The following TRAPPC8 variants were observed in gnomAD, a reference collection of about 807,000 sequenced individuals.
TRAPPC8 encodes the protein trafficking protein particle complex subunit 8.
TRAPPC8 carries 54 observed loss-of-function variants against 174.3 expected under a neutral mutation model. The observed-to-expected ratio is 0.31, with a 90% confidence interval of 0.25 to 0.39. The LOEUF is 0.39. TRAPPC8 is among the 10% of genes least tolerant of loss of function. TRAPPC8 has a pLI of 1.00. For synonymous variants in TRAPPC8, 630 were observed against 579.9 expected, an observed-to-expected ratio of 1.09 and a Z score of -1.24; for missense variants, 1,531 against 1,699.1, an observed-to-expected ratio of 0.90 and a Z score of 1.74.
intron 1 of TRAPPC8, chr18:31,937,508 G>A (rs573371324): frequency 6.6e-6 from 1 of 151,770 alleles, no homozygotes; most frequent in Admixed American, 6.6e-5. Context: ...GGGCAACAGA[G>A]TGAGGCTCTG....
intron 10 of TRAPPC8, among the ~76,000 whole-genome samples, chr18:31,900,626 G>T (rs1400910302): frequency 6.6e-6 from 1 of 152,080 alleles, no homozygotes; most frequent in Non-Finnish European, 1.5e-5. Flanking sequence ...ATTTAACAAA[G>T]AAAATGCAAA....
intron 18 of TRAPPC8, 90 bp downstream of exon 18, chr18:31,866,759 T>C: frequency 2.7e-6 from 4 of 1,455,250 alleles, no homozygotes; most frequent in Non-Finnish European, 3.7e-6. Flanking sequence ...ACATTAAACC[T>C]ATTTAGAAAA....
chr18:31,847,057 C>G (rs1472102748), intron 25 of TRAPPC8, among the ~76,000 whole-genome samples: 1 of 152,194 alleles, frequency 6.6e-6, no homozygotes, highest in African/African-American at 2.4e-5. Flanking sequence ...AGAGATACAT[C>G]ATGAAATCCT....
intron 11 of TRAPPC8, among the ~76,000 whole-genome samples, chr18:31,894,563 A>T (rs899091495): frequency 3.9e-5 from 6 of 152,186 alleles, no homozygotes; most frequent in Non-Finnish European, 7.3e-5. Context: ...AAAGATAAAA[A>T]GATAACAATA....
At chr18:31,900,525 G>C (rs1165939801) in intron 10 of TRAPPC8, among the ~76,000 whole-genome samples, 1 of 152,184 alleles carries the variant, frequency 6.6e-6, no homozygotes, top group Admixed American at 6.5e-5. Context: ...CCAGCTCATA[G>C]TCTCCTCATA....
rs188822749 is a variant in TRAPPC8 at position 31,924,727 on chromosome 18, A to C, written c.352+6602T>G. Among the ~76,000 whole-genome samples the C allele has an allele frequency of 2.9e-4, 42 of 145,006 alleles. No individual in the cohort carries two copies. In the East Asian group the frequency reaches 7.5e-3, roughly 26 times the overall value. ...CACTCCAGCCTGGGCAACAACAGCGAAACTCCGTCTCAAAAAAAAAAAAAA... is the reference window on the plus strand; with the variant it reads ...CACTCCAGCCTGGGCAACAACAGCGCAACTCCGTCTCAAAAAAAAAAAAAA... On this transcript the variant is annotated intron_variant, in intron 2 of 28. Coordinates refer to ENST00000283351, the MANE Select transcript of TRAPPC8 (RefSeq NM_014939.5).
Position 31,931,373 on chromosome 18 carries a change from A to G in TRAPPC8, c.308T>C (p.Val103Ala). ...VSGSQPAEGL[V>A]ANVITAGDYD... ...ATCTCCTGCTGTAATCACATTAGCT[A>G]CTAATCCTTCTGCAGGCTGACTGCC... The change falls in exon 2 of 29, where the codon GTA (valine) becomes GCA (alanine). Residue 103 changes from valine to alanine, a missense_variant. Physicochemically the swap from Val to Ala is moderately conservative, Grantham distance 64. Transcript: ENST00000283351. 1.9e-6 allele frequency: 3 copies of G among 1,612,244 alleles called. No homozygotes were observed. Among genetic ancestry groups the G allele is most frequent in the Non-Finnish European group, 2.5e-6 (3 of 1,179,124 alleles).
intron 1 of TRAPPC8, among the ~76,000 whole-genome samples, chr18:31,940,106 CATGA>C (rs1157580388): frequency 1.3e-5 from 2 of 152,222 alleles, no homozygotes; most frequent in East Asian, 1.9e-4. Context: ...TAAAATATCT[CATGA>C]ATATTTTTCA....
At chr18:31,833,999 CT>C in intron 27 of TRAPPC8, among the ~76,000 whole-genome samples, 1 of 68,612 alleles carries the variant, frequency 1.5e-5, no homozygotes, top group Non-Finnish European at 3.0e-5. Context: ...AAGACTCCGT[CT>C]CAAAAAAAAA....
At chr18:31,901,115 G>GTTT in intron 9 of TRAPPC8, 90 bp from the exon 10 acceptor site, 72 of 967,706 alleles carry the variant, frequency 7.4e-5, no homozygotes, top group South Asian at 2.5e-4. Flanking sequence ...GAAATTTGCT[G>GTTT]TTTTTTTTTT....
chr18:31,832,163 C>A lies in TRAPPC8; in HGVS notation c.3994G>T (p.Val1332Leu). Residue 1332 changes from valine (V) to leucine (L), a missense_variant, in exon 28 of 29, where the codon GTA becomes TTA. Physicochemically the swap from Val to Leu is conservative, Grantham distance 32. Transcript: ENST00000283351. Reference protein sequence around the residue: ...HPFHQKSLCLVPVTLLLSNCS... With the variant: ...HPFHQKSLCLLPVTLLLSNCS... ...TTGGAAAGTAAAAGAGTGACTGGTA[C>A]TAAACAAAGGCTATGGAAGAAAAAT... 1 of 1,516,212 alleles carries A rather than the reference C, an allele frequency of 6.6e-7. No individual in the cohort carries two copies. Among genetic ancestry groups the A allele is most frequent in the Non-Finnish European group, 8.7e-7 (1 of 1,142,864 alleles). The allele number at this position is 1,516,212 out of a possible 1,614,324, so 93.9% of individuals were successfully genotyped here. A position where few individuals can be genotyped will look rare whatever the true frequency, so the allele number is the denominator to read the frequency against.
chr18:31,903,471 T>C (rs1036796844), intron 9 of TRAPPC8, among the ~76,000 whole-genome samples: 1 of 152,190 alleles, frequency 6.6e-6, no homozygotes, highest in Non-Finnish European at 1.5e-5. Flanking sequence ...AGATTTCTAC[T>C]ATCACCCTCC....
intron 26 of TRAPPC8, among the ~76,000 whole-genome samples, chr18:31,843,553 T>C (rs1374046982): frequency 1.3e-5 from 2 of 152,350 alleles, no homozygotes; most frequent in East Asian, 3.9e-4. Context: ...CTGTGTACTA[T>C]CTATTTGTGT....
chr18:31,863,216 T>C (rs2034422219), intron 19 of TRAPPC8, among the ~76,000 whole-genome samples: 1 of 152,078 alleles, frequency 6.6e-6, no homozygotes. Context: ...AAACAAAAAC[T>C]GATATTATCC....
intron 4 of TRAPPC8, among the ~76,000 whole-genome samples, chr18:31,916,056 CAAAA>C (rs34732342): frequency 3.4e-5 from 3 of 87,930 alleles, no homozygotes; most frequent in East Asian, 4.8e-4. Context: ...GACCTCGTCT[CAAAA>C]AAAAAAAAAA....
At chr18:31,863,051 C>CAAAAAAA (rs35944569) in intron 19 of TRAPPC8, among the ~76,000 whole-genome samples, 2 of 113,782 alleles carry the variant, frequency 1.8e-5, no homozygotes, top group African/African-American at 6.8e-5. Context: ...GACTAGGTCT[C>CAAAAAAA]AAAAAAAAAA....
intron 12 of TRAPPC8, among the ~76,000 whole-genome samples, chr18:31,881,087 C>T (rs2035427828): frequency 6.6e-6 from 1 of 151,910 alleles, no homozygotes; most frequent in South Asian, 2.1e-4. Flanking sequence ...TCTACAGATT[C>T]AACAAACTAT....
At chr18:31,836,784 CAG>C (rs2032755646) in intron 27 of TRAPPC8, among the ~76,000 whole-genome samples, 5 of 115,558 alleles carry the variant, frequency 4.3e-5, no homozygotes, top group Admixed American at 2.2e-4. Context: ...TTTTTTGAGA[CAG>C]AGTCTCGCTC....
intron 27 of TRAPPC8, among the ~76,000 whole-genome samples, chr18:31,838,577 C>T (rs984608826): frequency 2.6e-5 from 4 of 152,272 alleles, no homozygotes; most frequent in Middle Eastern, 3.4e-3. Context: ...TACTTTCTTA[C>T]CTCCTATTTG....
Sources: gnomAD v4.1 joint callset for allele counts (sites outside exome capture counted in the v4.1 genomes callset) on GRCh38, gnomAD v4.1.1 for gene constraint, MANE v1.5 for transcripts, NCBI Gene and HGNC (gene_info 2026-07-23, HGNC 2026-07-21) for gene names.